The following CFAP299 variants were observed in gnomAD, a reference collection of about 807,000 sequenced individuals.
CFAP299 encodes cilia and flagella associated protein 299, also known as cilia- and flagella-associated protein 299.
Under a neutral mutation model 27.0 loss-of-function variants are expected in CFAP299, and 21 were observed. That is an observed-to-expected ratio of 0.78 (90% CI 0.55 to 1.12). The LOEUF (loss-of-function observed/expected upper bound fraction) is 1.12, where lower values mean the gene tolerates loss of function less well. Among genes scored for constraint, CFAP299 ranks in the 50% most tolerant of loss-of-function variants. The pLI is 0.00. For synonymous variants in CFAP299, 104 were observed against 98.1 expected (o/e 1.06, Z -0.36); for missense variants, 310 against 276.6 (o/e 1.12, Z -0.86).
chr4:80,329,772 G>A, the CFAP299 span, among the ~76,000 whole-genome samples: 3 of 152,012 alleles, frequency 2.0e-5, no homozygotes, highest in African/African-American at 7.2e-5. Flanking sequence ...TACCTGACGA[G>A]CTTTGATATT....
At chr4:80,448,717 C>A (rs1378103703) in intron 2 of CFAP299, among the ~76,000 whole-genome samples, 2 of 151,682 alleles carry the variant, frequency 1.3e-5, no homozygotes, top group Admixed American at 1.3e-4. Context: ...AAAAAAAAAA[C>A]CACATCTCTG....
intron 2 of CFAP299, among the ~76,000 whole-genome samples, chr4:80,470,633 G>C: frequency 6.6e-6 from 1 of 152,110 alleles, no homozygotes; most frequent in East Asian, 1.9e-4. Context: ...ATGAGACTGT[G>C]TTGACTTAAA....
intron 2 of CFAP299, among the ~76,000 whole-genome samples, chr4:80,565,863 C>T (rs984539702): frequency 1.3e-5 from 2 of 151,928 alleles, no homozygotes; most frequent in African/African-American, 2.4e-5. Context: ...GGTTTTTGAA[C>T]CTTGGGATTT....
At chr4:80,951,977 T>C (rs1215930442) in intron 5 of CFAP299, among the ~76,000 whole-genome samples, 1 of 152,172 alleles carries the variant, frequency 6.6e-6, no homozygotes, top group Admixed American at 6.5e-5. Context: ...TCTTCTTATT[T>C]GGATCATTAT....
At position 80,938,298 on chromosome 4, in the gene CFAP299, G is replaced by A. The variant is rs183612314; in HGVS notation, c.477-6512G>A. 1.2e-3 allele frequency among the ~76,000 whole-genome samples: 182 copies of A among 152,266 alleles called. 1 individual carries two copies. Among genetic ancestry groups the A allele is most frequent in the Non-Finnish European group, 1.9e-3 (131 of 68,024 alleles). On this transcript the variant is annotated intron_variant, in intron 4 of 5. Coordinates refer to ENST00000358105, the MANE Select transcript of CFAP299 (RefSeq NM_152770.3). ...TGTTTGTGATGGCCATGACACCCAC[G>A]CTTGAAGGTTGTGGGTTTACCAGAA...
At chr4:80,773,608 T>C (rs781615066) in intron 3 of CFAP299, among the ~76,000 whole-genome samples, 3 of 152,126 alleles carry the variant, frequency 2.0e-5, no homozygotes, top group Non-Finnish European at 4.4e-5. Context: ...CTGGCAGTAT[T>C]AGAATTTTAA....
At chr4:80,903,326 G>C (rs1489959965) in intron 4 of CFAP299, among the ~76,000 whole-genome samples, 1 of 151,980 alleles carries the variant, frequency 6.6e-6, no homozygotes, top group African/African-American at 2.4e-5. Flanking sequence ...ATTGGGGAAG[G>C]ATAAAGGGAA....
chr4:80,946,884 T>A (rs923794015), intron 5 of CFAP299, among the ~76,000 whole-genome samples: 1 of 152,174 alleles, frequency 6.6e-6, no homozygotes, highest in Non-Finnish European at 1.5e-5. Context: ...GTCTAAACTA[T>A]ATAAATAAGA....
intron 2 of CFAP299, among the ~76,000 whole-genome samples, chr4:80,417,608 T>C (rs1727079810): frequency 6.6e-6 from 1 of 152,182 alleles, no homozygotes; most frequent in Admixed American, 6.5e-5. Flanking sequence ...GCCCTTTGTT[T>C]CACAATTGGG....
At chr4:80,918,981 C>G (rs1735903627) in intron 4 of CFAP299, among the ~76,000 whole-genome samples, 1 of 152,032 alleles carries the variant, frequency 6.6e-6, no homozygotes, top group African/African-American at 2.4e-5. Flanking sequence ...GAAGCAAGAG[C>G]CCCTTTATCA....
intron 2 of CFAP299, among the ~76,000 whole-genome samples, chr4:80,463,520 A>G (rs1729558164): frequency 6.6e-6 from 1 of 152,146 alleles, no homozygotes; most frequent in South Asian, 2.1e-4. Context: ...GGGTAACTTA[A>G]ATAACAGACT....
At chr4:80,346,136 G>T (rs1722715874) in intron 1 of CFAP299, among the ~76,000 whole-genome samples, 1 of 152,062 alleles carries the variant, frequency 6.6e-6, no homozygotes, top group African/African-American at 2.4e-5. Flanking sequence ...ATTTTTTCTT[G>T]AAAATTTGTT....
chr4:80,949,464 G>C (rs1206101184), intron 5 of CFAP299, among the ~76,000 whole-genome samples: 1 of 151,772 alleles, frequency 6.6e-6, no homozygotes, highest in Non-Finnish European at 1.5e-5. Flanking sequence ...TAAACTTTTA[G>C]TGGGGACTTA....
At chr4:80,573,201 T>C (rs1735682814) in intron 2 of CFAP299, among the ~76,000 whole-genome samples, 1 of 152,152 alleles carries the variant, frequency 6.6e-6, no homozygotes, top group Admixed American at 6.6e-5. Context: ...ATAGTTTTGA[T>C]TTGCATTTTT....
intron 3 of CFAP299, among the ~76,000 whole-genome samples, chr4:80,651,118 A>G (rs1460950639): frequency 6.6e-6 from 1 of 152,102 alleles, no homozygotes; most frequent in African/African-American, 2.4e-5. Flanking sequence ...CTGTTAATTT[A>G]TACAGGTGCC....
At chr4:80,762,026 G>T (rs1725567351) in intron 3 of CFAP299, among the ~76,000 whole-genome samples, 1 of 151,824 alleles carries the variant, frequency 6.6e-6, no homozygotes, top group African/African-American at 2.4e-5. Context: ...ATATGTGTTT[G>T]GGATTCAAAT....
intron 3 of CFAP299, among the ~76,000 whole-genome samples, chr4:80,640,687 T>C (rs1273112265): frequency 1.3e-5 from 2 of 152,218 alleles, no homozygotes; most frequent in Non-Finnish European, 2.9e-5. Context: ...ATATTCATTG[T>C]ATTTGCTTAC....
At chr4:80,690,367 C>G (rs1388469734) in intron 3 of CFAP299, among the ~76,000 whole-genome samples, 3 of 152,056 alleles carry the variant, frequency 2.0e-5, no homozygotes, top group Non-Finnish European at 2.9e-5. Context: ...TGAAATCAAA[C>G]TAGAACTCAG....
At chr4:80,396,324 G>GT (rs1441950046) in intron 2 of CFAP299, among the ~76,000 whole-genome samples, 4 of 151,968 alleles carry the variant, frequency 2.6e-5, no homozygotes, top group Admixed American at 2.6e-4. Context: ...ATTTCTTCCA[G>GT]TTTTTTTATG....
Sources: gnomAD v4.1 joint callset for allele counts (sites outside exome capture counted in the v4.1 genomes callset) on GRCh38, gnomAD v4.1.1 for gene constraint, MANE v1.5 for transcripts, NCBI Gene and HGNC (gene_info 2026-07-23, HGNC 2026-07-21) for gene names.